The following UNC93A variants were observed in gnomAD, a reference collection of about 807,000 sequenced individuals.
UNC93A encodes N-acetylglucosamine transporter UNC93A.
In UNC93A, 43 loss-of-function variants were observed where a neutral mutation model predicts 47.5. The observed-to-expected ratio is 0.91, with a 90% CI of 0.71 to 1.17. The LOEUF (loss-of-function observed/expected upper bound fraction) is 1.17. Among genes scored for constraint, UNC93A ranks in the 50% most tolerant of loss-of-function variants. The pLI, the probability that UNC93A is intolerant of heterozygous loss-of-function variation, is 0.00. For synonymous variants in UNC93A, 280 were observed against 258.0 expected (o/e 1.09, Z -0.82); for missense variants, 605 against 577.6 (o/e 1.05, Z -0.49).
At chr6:167,269,635 C>T (rs981481328), upstream of UNC93A, among the ~76,000 whole-genome samples, 1 of 152,072 alleles carries the variant, frequency 6.6e-6, no homozygotes. Context: ...GAGACAGAGT[C>T]TTGCTCTGTC....
intron 1 of UNC93A, among the ~76,000 whole-genome samples, chr6:167,285,251 G>C (rs1783706300): frequency 6.6e-6 from 1 of 151,902 alleles, no homozygotes; most frequent in South Asian, 2.1e-4. Flanking sequence ...AAGGGGAGGG[G>C]CCCTGGCTGG....
chr6:167,277,073 G>T (rs1783556122), intron 1 of UNC93A, among the ~76,000 whole-genome samples: 1 of 152,132 alleles, frequency 6.6e-6, no homozygotes, highest in Admixed American at 6.5e-5. Flanking sequence ...CTCATCAGGG[G>T]AGCCAGTGGG....
At chr6:167,308,422 A>T (rs6933617) in intron 7 of UNC93A, among the ~76,000 whole-genome samples, 92,287 of 151,874 alleles carry the variant, frequency 0.61, 28,362 homozygotes, top group East Asian at 0.78. Flanking sequence ...GCTCTGGGGC[A>T]TCCTGGGCAG....
At chr6:167,281,057 GTCCCACCAAGAGGAGCCTCAGGCGGTAA>G (rs1246619496) in intron 1 of UNC93A, among the ~76,000 whole-genome samples, 1 of 152,124 alleles carries the variant, frequency 6.6e-6, no homozygotes, top group Non-Finnish European at 1.5e-5. Context: ...CCAGAAGGAT[GTCCCACCAAGAGGAGCCTCAGGCGGTAA>G]TCCCACCAAA....
chr6:167,273,569 T>C (rs1783486648), intron 1 of UNC93A, among the ~76,000 whole-genome samples: 1 of 152,194 alleles, frequency 6.6e-6, no homozygotes, highest in Non-Finnish European at 1.5e-5. Flanking sequence ...TGGAGAGATT[T>C]ATTCTGAGCC....
chr6:167,278,765 CCTCGCCTT>C (rs1171522905), intron 1 of UNC93A, among the ~76,000 whole-genome samples: 1 of 152,126 alleles, frequency 6.6e-6, no homozygotes, highest in African/African-American at 2.4e-5. Context: ...GCTGGGGAGA[CCTCGCCTT>C]CTCAGGGTGG....
chr6:167,284,010 G>C (rs1280508083), intron 1 of UNC93A, among the ~76,000 whole-genome samples: 2 of 152,088 alleles, frequency 1.3e-5, no homozygotes, highest in Admixed American at 6.5e-5. Flanking sequence ...CCTCATTTTG[G>C]CAGAGCCTGT....
chr6:167,309,579 G>A (rs566141423), intron 7 of UNC93A, among the ~76,000 whole-genome samples: 194 of 150,564 alleles, frequency 1.3e-3, no homozygotes, highest in Admixed American at 3.9e-3. Flanking sequence ...GGAAACACTC[G>A]GGGCTTAGAA....
At chr6:167,271,891 C>A (rs1275570255) in intron 1 of UNC93A, among the ~76,000 whole-genome samples, 1 of 152,098 alleles carries the variant, frequency 6.6e-6, no homozygotes, top group East Asian at 1.9e-4. Flanking sequence ...AAACTGCAGC[C>A]AGCTAAACAC....
intron 1 of UNC93A, among the ~76,000 whole-genome samples, chr6:167,283,374 A>G (rs531331764): frequency 1.3e-5 from 2 of 152,146 alleles, no homozygotes; most frequent in Non-Finnish European, 2.9e-5. Context: ...CCTGAATTCC[A>G]AAGCAAGGAG....
intron 6 of UNC93A, among the ~76,000 whole-genome samples, chr6:167,307,456 C>CGGTTCCAGAGGACGGTTGAGAT (rs1778430755): frequency 1.3e-5 from 2 of 150,344 alleles, no homozygotes; most frequent in African/African-American, 4.9e-5. Flanking sequence ...TTCCAGAGGA[C>CGGTTCCAGAGGACGGTTGAGAT]GGTTCCAGAG....
chr6:167,291,680 G>T lies in UNC93A; in HGVS notation c.87+104G>T, dbSNP rs1445052801. ...GAAATTTGAAAAATCTAATTCACCTGGTGTTTCTTTTTCACTCTGTACCAA... is the reference window on the plus strand; with the variant it reads ...GAAATTTGAAAAATCTAATTCACCTTGTGTTTCTTTTTCACTCTGTACCAA... On this transcript the variant is annotated intron_variant, in intron 1 of 7. Coordinates refer to ENST00000230256, the MANE Select transcript of UNC93A (RefSeq NM_018974.4). 9 of 1,105,368 alleles carry T rather than the reference G, an allele frequency of 8.1e-6. No homozygotes were observed. In the Admixed American group the frequency reaches 1.7e-4, roughly 20 times the overall value. The allele number at this position is 1,105,368 out of a possible 1,614,324, so 68.5% of individuals were successfully genotyped here.
At chr6:167,285,956 CTCTCTATA>C (rs1463388393) in intron 1 of UNC93A, among the ~76,000 whole-genome samples, 23 of 141,112 alleles carry the variant, frequency 1.6e-4, no homozygotes, top group Non-Finnish European at 3.0e-4. Context: ...CTCTCTCTCT[CTCTCTATA>C]TATATATATA....
intron 4 of UNC93A, 45 bp from the exon 5 acceptor site, chr6:167,303,874 C>T (rs764496031): frequency 2.5e-6 from 4 of 1,602,538 alleles, no homozygotes; most frequent in African/African-American, 1.3e-5. Context: ...GGCACCCTGC[C>T]TCTGGGCCCC....
At chr6:167,294,786 T>C in intron 2 of UNC93A, 88 bp downstream of exon 2, 1 of 1,396,402 alleles carries the variant, frequency 7.2e-7, no homozygotes, top group Non-Finnish European at 9.7e-7. Context: ...CATTTGCACC[T>C]GATTACTGTT....
Position 167,304,152 on chromosome 6 carries a change from G to T in UNC93A, c.840+19G>T. Reference sequence around the variant, plus strand: ...CACAAGGGTATGAACGAAAGTGAGGGCCGGTGGCTCAGGCCATGCGTGGCA... The same window carrying T: ...CACAAGGGTATGAACGAAAGTGAGGTCCGGTGGCTCAGGCCATGCGTGGCA... On this transcript the variant is annotated intron_variant, in intron 5 of 7. Transcript: ENST00000230256. 6.2e-7 allele frequency: 1 copy of T among 1,613,652 alleles called. No individual in the cohort carries two copies. The highest frequency in any genetic ancestry group is 1.1e-5 in the South Asian group (1 of 91,018).
intron 1 of UNC93A, among the ~76,000 whole-genome samples, chr6:167,277,677 C>G (rs1161392611): frequency 2.2e-5 from 3 of 138,620 alleles, no homozygotes; most frequent in Admixed American, 7.4e-5. Flanking sequence ...CTGTCTCTTT[C>G]TCTTTCTGTC....
rs778252471 is a variant in UNC93A at position 167,304,184 on chromosome 6, C to T, written c.840+51C>T. On this transcript the variant is annotated intron_variant, in intron 5 of 7. Transcript: ENST00000230256. ...GCTCAGGCCATGCGTGGCATCACTG[C>T]CTTGCCTGTGTCTGTACCTGCAGGA... 10 of 1,596,288 alleles carry T rather than the reference C, an allele frequency of 6.3e-6. No individual in the cohort carries two copies. In the Admixed American group the frequency reaches 1.3e-4, roughly 21 times the overall value.
rs1778001091 is a variant in UNC93A, at chr6:167,294,710, C to T, written c.269+12C>T. 8 of 1,576,822 alleles carry T rather than the reference C, an allele frequency of 5.1e-6. No homozygotes were observed. Among genetic ancestry groups the T allele is most frequent in the Non-Finnish European group, 5.2e-6 (6 of 1,157,494 alleles). On this transcript the variant is annotated intron_variant, in intron 2 of 7. Coordinates refer to ENST00000230256, the MANE Select transcript of UNC93A (RefSeq NM_018974.4). ...TTCTTCGCCAGCTGGTACGCAGCCACCACCCCCTGCCCACCCCACCCCGGC... is the reference window on the plus strand; with the variant it reads ...TTCTTCGCCAGCTGGTACGCAGCCATCACCCCCTGCCCACCCCACCCCGGC...
Sources: gnomAD v4.1 joint callset for allele counts (sites outside exome capture counted in the v4.1 genomes callset) on GRCh38, gnomAD v4.1.1 for gene constraint, MANE v1.5 for transcripts, NCBI Gene and HGNC (gene_info 2026-07-23, HGNC 2026-07-21) for gene names.